The following CSGALNACT1 variants were observed in gnomAD, a reference collection of about 807,000 sequenced individuals.
CSGALNACT1 encodes the protein chondroitin sulfate N-acetylgalactosaminyltransferase 1, also known as beta4GalNAcT-1.
CSGALNACT1 carries 52 observed loss-of-function variants against 51.0 expected under a neutral mutation model. That is an observed-to-expected ratio of 1.02 (90% CI 0.82 to 1.29). The LOEUF is 1.29. Among genes scored for constraint, CSGALNACT1 ranks in the 50% most tolerant of loss-of-function variants. The probability of loss-of-function intolerance (pLI) is 0.00; values close to 1 mark genes in which losing one functional copy is unlikely to be tolerated. For synonymous variants in CSGALNACT1, 341 were observed against 254.4 expected (o/e 1.34, Z -3.24); for missense variants, 935 against 679.2 (o/e 1.38, Z -4.19).
chr8:19,729,333 A>C (rs1038542691), intron 1 of CSGALNACT1, among the ~76,000 whole-genome samples: 3 of 152,192 alleles, frequency 2.0e-5, no homozygotes, highest in Non-Finnish European at 2.9e-5. Flanking sequence ...ATTTGCAGAC[A>C]GTGCTCACAT....
At chr8:19,470,542 G>T (rs192378053) in intron 4 of CSGALNACT1, among the ~76,000 whole-genome samples, 85 of 152,286 alleles carry the variant, frequency 5.6e-4, no homozygotes, top group Non-Finnish European at 9.1e-4. Flanking sequence ...TCTGCAGACA[G>T]GTGTGAGGGC....
intron 1 of CSGALNACT1, among the ~76,000 whole-genome samples, chr8:19,613,275 G>T (rs1456201709): frequency 6.6e-6 from 1 of 152,056 alleles, no homozygotes; most frequent in East Asian, 1.9e-4. Flanking sequence ...TATAATTTAT[G>T]TTTCTATTTA....
chr8:19,663,254 G>A (rs2058913035), intron 1 of CSGALNACT1, among the ~76,000 whole-genome samples: 1 of 151,946 alleles, frequency 6.6e-6, no homozygotes, highest in Non-Finnish European at 1.5e-5. Context: ...ATGACCCTAG[G>A]GTCAGGCTTG....
At chr8:19,537,962 T>G (rs956765259) in intron 3 of CSGALNACT1, among the ~76,000 whole-genome samples, 1 of 152,154 alleles carries the variant, frequency 6.6e-6, no homozygotes, top group African/African-American at 2.4e-5. Context: ...AGCTATGGAC[T>G]GGGGAAAATA....
At chr8:19,652,941 T>C (rs2057943250) in intron 1 of CSGALNACT1, among the ~76,000 whole-genome samples, 1 of 152,186 alleles carries the variant, frequency 6.6e-6, no homozygotes, top group African/African-American at 2.4e-5. Flanking sequence ...GCTCTTTCCC[T>C]CTACCCTCAA....
intron 5 of CSGALNACT1, 58 bp from the exon 5 acceptor site, chr8:19,439,989 C>A: frequency 7.2e-7 from 1 of 1,380,246 alleles, no homozygotes; most frequent in South Asian, 1.2e-5. Context: ...AGGCACAGCA[C>A]AAACCAATAC....
chr8:19,645,979 G>A (rs1002580854), intron 1 of CSGALNACT1, among the ~76,000 whole-genome samples: 1 of 152,102 alleles, frequency 6.6e-6, no homozygotes, highest in Non-Finnish European at 1.5e-5. Flanking sequence ...TCCAAAGAGA[G>A]GGAAAAGCAT....
At chr8:19,501,999 T>A (rs1286722086) in intron 4 of CSGALNACT1, among the ~76,000 whole-genome samples, 1 of 152,228 alleles carries the variant, frequency 6.6e-6, no homozygotes, top group African/African-American at 2.4e-5. Context: ...AAAAATCACT[T>A]CCTCTGTGTT....
intron 1 of CSGALNACT1, among the ~76,000 whole-genome samples, chr8:19,740,454 AG>A (rs1156334744): frequency 6.6e-6 from 1 of 152,216 alleles, no homozygotes; most frequent in Non-Finnish European, 1.5e-5. Context: ...CGCACAGCAG[AG>A]GCTTCTTCAA....
intron 1 of CSGALNACT1, among the ~76,000 whole-genome samples, chr8:19,692,507 T>C (rs1313209848): frequency 6.6e-6 from 1 of 152,160 alleles, no homozygotes; most frequent in Non-Finnish European, 1.5e-5. Flanking sequence ...ATGGGGAGGA[T>C]GAAAATGATC....
Position 19,509,887 on chromosome 8 carries a change from A to AGCCTGGCCCCTCAAACGTG in CSGALNACT1, c.-296-3758_-296-3757insCACGTTTGAGGGGCCAGGC. Among the ~76,000 whole-genome samples, 2 of 152,314 alleles carry AGCCTGGCCCCTCAAACGTG rather than the reference A, an allele frequency of 1.3e-5. 1 individual carries two copies. The highest frequency in any genetic ancestry group is 4.1e-4 in the South Asian group (2 of 4,824). ...AAATACAGCTTTATGTGATCACAGCAGCATTGAGCTACTATTTTAAGAACT... is the reference window on the plus strand; with the variant it reads ...AAATACAGCTTTATGTGATCACAGCAGCCTGGCCCCTCAAACGTGGCATTGAGCTACTATTTTAAGAACT... On this transcript the variant is annotated intron_variant, in intron 3 of 9. Transcript: ENST00000454498.
chr8:19,408,777 G>T, intron 8 of CSGALNACT1, 83 bp from the exon 8 acceptor site: 2 of 1,188,904 alleles, frequency 1.7e-6, no homozygotes, highest in Non-Finnish European at 2.5e-6. Flanking sequence ...GAGCCACCGT[G>T]GAGTGTGGAG....
intron 1 of CSGALNACT1, among the ~76,000 whole-genome samples, chr8:19,658,663 G>A (rs923451386): frequency 2.6e-5 from 4 of 152,098 alleles, no homozygotes; most frequent in Admixed American, 6.6e-5. Context: ...GAACCTGGGG[G>A]GCAGAGGTTA....
chr8:19,571,025 C>A (rs550669756), intron 3 of CSGALNACT1, among the ~76,000 whole-genome samples: 1 of 152,166 alleles, frequency 6.6e-6, no homozygotes, highest in African/African-American at 2.4e-5. Context: ...GTCACCCAGG[C>A]AGAAGTGCAG....
chr8:19,411,615 C>G (rs1229734825), intron 8 of CSGALNACT1, among the ~76,000 whole-genome samples: 3 of 152,170 alleles, frequency 2.0e-5, no homozygotes, highest in Non-Finnish European at 4.4e-5. Context: ...AATGTTTTCA[C>G]CTCCCTGGGG....
chr8:19,415,114 G>A (rs1406723871), intron 8 of CSGALNACT1, among the ~76,000 whole-genome samples: 1 of 152,144 alleles, frequency 6.6e-6, no homozygotes, highest in African/African-American at 2.4e-5. Flanking sequence ...GAAATCTCTT[G>A]CCCTGAGCTC....
At chr8:19,700,651 C>G (rs79046575) in intron 1 of CSGALNACT1, among the ~76,000 whole-genome samples, 151 of 152,258 alleles carry the variant, frequency 9.9e-4, no homozygotes, top group Admixed American at 2.7e-3. Flanking sequence ...TCCGATGTTC[C>G]TATCTCTTTC....
chr8:19,505,470 G>C (rs749764372), exon 4 of CSGALNACT1: 1 of 1,614,052 alleles, frequency 6.2e-7, no homozygotes, highest in African/African-American at 1.3e-5. Context: ...GTGCAGGAAG[G>C]CCAGGAGGTC....
chr8:19,748,436 G>A lies in CSGALNACT1; in HGVS notation c.-297+9414C>T, dbSNP rs541662795. Among the ~76,000 whole-genome samples, 7 of 152,226 alleles carry A rather than the reference G, an allele frequency of 4.6e-5. No homozygotes were observed. The South Asian group carries it at 1.2e-3, about 27-fold the overall frequency. On this transcript the variant is annotated intron_variant, in intron 1 of 1. Transcript: ENST00000517494. The stretch of plus-strand genomic sequence containing the variant: ...TTTAAAAAACTAAGAATAGAAATAG[G>A]AGATATAAGGCCTAAAGCAAATATA...
Sources: gnomAD v4.1 joint callset for allele counts (sites outside exome capture counted in the v4.1 genomes callset) on GRCh38, gnomAD v4.1.1 for gene constraint, MANE v1.5 for transcripts, NCBI Gene and HGNC (gene_info 2026-07-23, HGNC 2026-07-21) for gene names.